IFT27: variants seen among roughly 807,000 people sequenced by gnomAD.
The protein encoded by IFT27 is intraflagellar transport 27, also known as intraflagellar transport protein 27 homolog.
Under a neutral mutation model 23.9 loss-of-function variants are expected in IFT27, and 19 were observed. The observed-to-expected ratio is 0.79, with a 90% CI of 0.55 to 1.16. IFT27 has a LOEUF of 1.16. IFT27 is among the 50% of genes most tolerant of loss of function. IFT27 has a pLI of 0.00. For synonymous variants in IFT27, 91 were observed against 89.1 expected (o/e 1.02, Z -0.12); for missense variants, 206 against 228.7 (o/e 0.90, Z 0.64).
intron 1 of IFT27, chr22:36,768,208 T>G (rs1330395390): frequency 2.4e-6 from 1 of 416,948 alleles, no homozygotes; most frequent in Non-Finnish European, 4.9e-6. Flanking sequence ...ACTTCCAAAC[T>G]GGAATTTACT....
chr22:36,767,383 G>C lies in IFT27; in HGVS notation c.115-18C>G. 6.2e-7 allele frequency: 1 copy of C among 1,609,056 alleles called. No individual in the cohort carries two copies. The highest frequency in any genetic ancestry group is 8.5e-7 in the Non-Finnish European group (1 of 1,177,004). On this transcript the variant is annotated intron_variant, in intron 2 of 6. Coordinates refer to ENST00000433985, the MANE Select transcript of IFT27 (RefSeq NM_001177701.3). ...CCTGTTGTCTGCCGAGGAACACCAA[G>C]AATGTTAGCACTGAGGGCCCCCAAA... is the stretch of plus-strand genomic sequence containing the variant.
chr22:36,771,243 G>A (rs1938379799), intron 1 of IFT27, among the ~76,000 whole-genome samples: 1 of 152,162 alleles, frequency 6.6e-6, no homozygotes, highest in Admixed American at 6.5e-5. Context: ...GCTCCTTCCT[G>A]CAGTTACTAC....
At chr22:36,761,917 A>G (rs1161298270) in intron 6 of IFT27, 2 of 152,258 alleles carry the variant, frequency 1.3e-5, no homozygotes, top group East Asian at 1.9e-4. Context: ...TAACCAGCCC[A>G]TGACTCAATT....
chr22:36,776,063 C>A lies in IFT27; in HGVS notation c.-356G>T. The A allele has an allele frequency of 2.9e-6, 1 of 339,934 alleles. No homozygotes were observed. The highest frequency in any genetic ancestry group is 5.6e-6 in the Non-Finnish European group (1 of 179,248). 21.1% of individuals were successfully genotyped at this position (339,934 alleles called of 1,614,324 possible). Reference sequence around the variant, plus strand: ...GTTCAAGGAAGGACGATCCGGCTCTCCTCCGATCACAAGTACCGGGCCGGA... The same window carrying A: ...GTTCAAGGAAGGACGATCCGGCTCTACTCCGATCACAAGTACCGGGCCGGA... On this transcript the variant is annotated 5_prime_UTR_variant, in exon 1 of 7. Coordinates refer to ENST00000433985, the MANE Select transcript of IFT27 (RefSeq NM_001177701.3).
intron 6 of IFT27, chr22:36,760,213 C>T (rs758222710): frequency 7.9e-5 from 12 of 152,182 alleles, no homozygotes; most frequent in South Asian, 2.1e-4. Flanking sequence ...CTGCTTCCGT[C>T]GAAAGTAGAG....
chr22:36,767,865 G>T lies in IFT27; in HGVS notation c.35-3C>A, dbSNP rs200409395. ...GGTCTTGCCCACTGCTGGGTCTCCT[G>T]TGAGATCAGAAAAGAAGAAAAAGAA... is the stretch of plus-strand genomic sequence containing the variant. On this transcript the variant is annotated splice_region_variant and splice_polypyrimidine_tract_variant and intron_variant, in intron 1 of 6. Transcript: ENST00000433985. The T allele has an allele frequency of 1.2e-6, 2 of 1,612,956 alleles. No homozygotes were observed. Among genetic ancestry groups the T allele is most frequent in the Non-Finnish European group, 1.7e-6 (2 of 1,178,992 alleles).
chr22:36,769,570 A>T (rs1938346618), intron 1 of IFT27, among the ~76,000 whole-genome samples: 1 of 152,076 alleles, frequency 6.6e-6, no homozygotes, highest in South Asian at 2.1e-4. Flanking sequence ...GGCCAGCCTG[A>T]TCACAAACTC....
chr22:36,760,483 G>A (rs890748573), intron 6 of IFT27: 8 of 152,252 alleles, frequency 5.3e-5, no homozygotes, highest in Non-Finnish European at 8.8e-5. Flanking sequence ...CGCTTACACA[G>A]TCAGGACAGC....
rs112315007 is a variant in IFT27, at chr22:36,775,751, G to C, written c.-44C>G. The C allele has an allele frequency of 3.1e-6, 5 of 1,611,572 alleles. No individual in the cohort carries two copies. In the Middle Eastern group the frequency reaches 8.3e-4, roughly 267 times the overall value. On this transcript the variant is annotated 5_prime_UTR_variant, in exon 1 of 7. Coordinates refer to ENST00000433985, the MANE Select transcript of IFT27 (RefSeq NM_001177701.3). ...GAGCCGTACCCAGAGGACAAGAGCGGCTGCTAGAGACGCGAGTGGGTGGGC... is the reference window on the plus strand; with the variant it reads ...GAGCCGTACCCAGAGGACAAGAGCGCCTGCTAGAGACGCGAGTGGGTGGGC...
chr22:36,766,348 G>A (rs949132231), intron 3 of IFT27, 151 bp from the exon 4 acceptor site: 24 of 667,372 alleles, frequency 3.6e-5, no homozygotes, highest in Non-Finnish European at 5.6e-5. Context: ...TCCCAGGCAC[G>A]AGAGAAGATG....
Position 36,764,116 on chromosome 22 carries a change from A to C in IFT27, c.235-80T>G, listed in dbSNP as rs1601494845. 5 of 972,940 alleles carry C rather than the reference A, an allele frequency of 5.1e-6. No individual in the cohort carries two copies. The East Asian group carries it at 1.2e-4, about 23-fold the overall frequency. 60.3% of individuals were successfully genotyped at this position (972,940 alleles called of 1,614,324 possible). On this transcript the variant is annotated intron_variant, in intron 4 of 6. Coordinates refer to ENST00000433985, the MANE Select transcript of IFT27 (RefSeq NM_001177701.3). ...GGCTGGGAGACAATTTGGCCTTCCA[A>C]GGGAAAGGGTATGGGGAGCAGAGGG...
At chr22:36,769,802 C>A (rs1003696209) in intron 1 of IFT27, among the ~76,000 whole-genome samples, 3 of 152,232 alleles carry the variant, frequency 2.0e-5, no homozygotes, top group Non-Finnish European at 2.9e-5. Flanking sequence ...GCCCTCCCAA[C>A]TTCAGCTCTG....
intron 1 of IFT27, among the ~76,000 whole-genome samples, chr22:36,769,479 C>T (rs964718159): frequency 6.6e-6 from 1 of 152,122 alleles, no homozygotes; most frequent in Admixed American, 6.5e-5. Context: ...CTTAGCCTCC[C>T]GAGTAGCTGG....
chr22:36,774,872 G>A (rs1474706495), intron 1 of IFT27, among the ~76,000 whole-genome samples: 2 of 152,078 alleles, frequency 1.3e-5, no homozygotes, highest in African/African-American at 2.4e-5. Context: ...ATGGTGAGAC[G>A]ATTACATGAA....
At position 36,765,620 on chromosome 22, in the gene IFT27, G is replaced by A. The variant is rs77251416; in HGVS notation, c.234+518C>T. On this transcript the variant is annotated intron_variant, in intron 4 of 6. Coordinates refer to ENST00000433985, the MANE Select transcript of IFT27 (RefSeq NM_001177701.3). ...GGCCCAGATTAGTGAGACTGTTACC[G>A]TGGAAGGTACAGCAAGTGGATCCTG... Among the ~76,000 whole-genome samples, 757 of 152,288 alleles carry A rather than the reference G, an allele frequency of 5.0e-3. 2 individuals carry two copies. The highest frequency in any genetic ancestry group is 0.017 in the African/African-American group (711 of 41,554).
At position 36,761,028 on chromosome 22, in the gene IFT27, C is replaced by T. The variant is rs547428613; in HGVS notation, c.462+1876G>A. On this transcript the variant is annotated intron_variant, in intron 6 of 6. Transcript: ENST00000433985. Reference sequence around the variant, plus strand: ...CCTTTTTAATTACAGCTTTCTTAACCGAGCTGCCAGCGGTGCTTCTGTGAG... The same window carrying T: ...CCTTTTTAATTACAGCTTTCTTAACTGAGCTGCCAGCGGTGCTTCTGTGAG... 2.3e-4 allele frequency: 37 copies of T among 162,660 alleles called. No homozygotes were observed. In the South Asian group the frequency reaches 3.7e-3, roughly 16 times the overall value. The allele number at this position is 162,660 out of a possible 1,614,324, so 10.1% of individuals were successfully genotyped here.
At chr22:36,774,838 A>G (rs1382513593) in intron 1 of IFT27, among the ~76,000 whole-genome samples, 3 of 152,060 alleles carry the variant, frequency 2.0e-5, no homozygotes, top group Non-Finnish European at 4.4e-5. Flanking sequence ...AAGAAAAACA[A>G]TCCAGTACCT....
At position 36,767,318 on chromosome 22, in the gene IFT27, C is replaced by A; in HGVS notation, c.162G>T (p.Thr54=). The change falls in exon 3 of 7, where the codon ACG becomes ACT. Residue 54 remains threonine (T), a synonymous_variant. Transcript: ENST00000433985. Reference sequence around the variant, plus strand: ...AGGCATCACTCACCACACTGTCTCCCGTGTCAGGAACTGGCACTGTCTTCA... The same window carrying A: ...AGGCATCACTCACCACACTGTCTCCAGTGTCAGGAACTGGCACTGTCTTCA... ...LVVKTVPVPD[T]GDSVELFIFD... The A allele has an allele frequency of 6.2e-7, 1 of 1,613,718 alleles. No individual in the cohort carries two copies. Among genetic ancestry groups the A allele is most frequent in the Non-Finnish European group, 8.5e-7 (1 of 1,179,736 alleles).
chr22:36,765,162 C>T (rs1938212104), intron 4 of IFT27, among the ~76,000 whole-genome samples: 1 of 152,192 alleles, frequency 6.6e-6, no homozygotes, highest in African/African-American at 2.4e-5. Context: ...ACATTGAGCT[C>T]TGTTACATGC....
Sources: allele counts gnomAD v4.1 joint callset (sites outside exome capture counted in the v4.1 genomes callset), GRCh38; gene constraint gnomAD v4.1.1; transcripts MANE v1.5; gene names NCBI Gene and HGNC (gene_info 2026-07-23, HGNC 2026-07-21).